The following CACNA1B variants were observed in gnomAD, a reference collection of about 807,000 sequenced individuals.
CACNA1B encodes calcium voltage-gated channel subunit alpha1 B.
In CACNA1B, 70 loss-of-function variants were observed where a neutral mutation model predicts 247.2. The ratio of observed to expected loss-of-function variants is 0.28; its 90% CI spans 0.23 to 0.35. The LOEUF (loss-of-function observed/expected upper bound fraction) is 0.35. Among genes scored for constraint, CACNA1B ranks in the 10% least tolerant of loss-of-function variants. The pLI is 1.00. For missense variants in CACNA1B, 2,367 were observed against 3,197.4 expected (o/e 0.74, Z 6.26); for synonymous variants, 1,231 against 1,294.4 (o/e 0.95, Z 1.05).
chr9:138,044,009 A>G, intron 21 of CACNA1B, 109 bp downstream of exon 21: 1 of 1,206,092 alleles, frequency 8.3e-7, no homozygotes, highest in African/African-American at 1.5e-5. Flanking sequence ...TATGTAGAGA[A>G]ACGGCTCTAA....
rs978416895 is a variant in CACNA1B, at chr9:138,121,194, C to T, written c.6490-275C>T. On this transcript the variant is annotated intron_variant, in intron 46 of 46. Coordinates refer to ENST00000371372, the MANE Select transcript of CACNA1B (RefSeq NM_000718.4). The surrounding 1 kb of genome is among the most constrained non-coding windows in gnomAD (Gnocchi z 6.8). ...TTAACTCTCCTTCCCTGACTGTGGT[C>T]GTTGGGCTTTTGTTCTGTCCTTTTC... 2.6e-5 allele frequency among the ~76,000 whole-genome samples: 4 copies of T among 152,136 alleles called. No individual in the cohort carries two copies. Among genetic ancestry groups the T allele is most frequent in the Admixed American group, 6.5e-5 (1 of 15,280 alleles).
At chr9:137,924,365 C>T (rs1428028684) in intron 6 of CACNA1B, among the ~76,000 whole-genome samples, 2 of 150,442 alleles carry the variant, frequency 1.3e-5, no homozygotes, top group Non-Finnish European at 1.5e-5. Context: ...CCTTCCCTCC[C>T]TCTTTCCCCT....
At chr9:137,878,708 G>T (rs1047825976) in intron 1 of CACNA1B, among the ~76,000 whole-genome samples, 1 of 152,126 alleles carries the variant, frequency 6.6e-6, no homozygotes, top group African/African-American at 2.4e-5. Context: ...GCGCCTGCGC[G>T]GGGTCTCCCT....
chr9:137,916,971 A>T (rs1319326741), intron 5 of CACNA1B, among the ~76,000 whole-genome samples: 1 of 152,016 alleles, frequency 6.6e-6, no homozygotes, highest in Non-Finnish European at 1.5e-5. Flanking sequence ...ATGGGCTGTG[A>T]GCCCACCATC....
At chr9:138,027,340 G>C (rs1958933428) in intron 20 of CACNA1B, among the ~76,000 whole-genome samples, 1 of 152,050 alleles carries the variant, frequency 6.6e-6, no homozygotes, top group African/African-American at 2.4e-5. Flanking sequence ...TGTTGATTAT[G>C]TATCCTGCTA....
chr9:138,092,569 A>G (rs914387212), intron 36 of CACNA1B, among the ~76,000 whole-genome samples: 1 of 152,176 alleles, frequency 6.6e-6, no homozygotes, highest in Non-Finnish European at 1.5e-5. Context: ...TTTTACTAAC[A>G]ATTTGTACAG....
chr9:138,057,944 T>A lies in CACNA1B; in HGVS notation c.4106+75T>A, dbSNP rs1212107285. 3 of 1,574,252 alleles carry A rather than the reference T, an allele frequency of 1.9e-6. No individual in the cohort carries two copies. In the African/African-American group the frequency reaches 4.0e-5, roughly 21 times the overall value. Reference sequence around the variant, plus strand: ...CGGCCTCCCTTCCTCCCTCTATCCCTGGGCTCAGGCATGGAAGCAGACCCA... The same window carrying A: ...CGGCCTCCCTTCCTCCCTCTATCCCAGGGCTCAGGCATGGAAGCAGACCCA... On this transcript the variant is annotated intron_variant, in intron 27 of 46. Coordinates refer to ENST00000371372, the MANE Select transcript of CACNA1B (RefSeq NM_000718.4). This position sits in a 1 kb window ranked among gnomAD's most constrained non-coding sequence, Gnocchi z 4.0.
Position 138,050,795 on chromosome 9 carries a change from C to T in CACNA1B, c.3711-1297C>T, listed in dbSNP as rs558983682. Among the ~76,000 whole-genome samples the T allele has an allele frequency of 3.3e-4, 50 of 152,228 alleles. No individual in the cohort carries two copies. Among genetic ancestry groups the T allele is most frequent in the East Asian group, 1.2e-3 (6 of 5,164 alleles). On this transcript the variant is annotated intron_variant, in intron 24 of 46. Transcript: ENST00000371372. This position sits in a 1 kb window ranked among gnomAD's most constrained non-coding sequence, Gnocchi z 5.2. ...GAGGAGCTGGTTTGAGAGTGGGTGT[C>T]GGGAGCACTGGGGTGATGGAGACAG...
At chr9:137,892,011 C>T (rs1187435133) in intron 3 of CACNA1B, 1 of 456,846 alleles carries the variant, frequency 2.2e-6, no homozygotes, top group Non-Finnish European at 4.4e-6. Flanking sequence ...CGCCTTGGTC[C>T]TCCTCACTCA....
At chr9:138,042,721 C>T (rs1048227368) in intron 20 of CACNA1B, among the ~76,000 whole-genome samples, 5 of 152,156 alleles carry the variant, frequency 3.3e-5, no homozygotes, top group East Asian at 3.9e-4. Flanking sequence ...CCAGCATCCT[C>T]GGTGGTATAG....
At position 137,973,170 on chromosome 9, in the gene CACNA1B, C is replaced by T. The variant is rs888739033; in HGVS notation, c.1543+1578C>T. Among the ~76,000 whole-genome samples, 2 of 152,142 alleles carry T rather than the reference C, an allele frequency of 1.3e-5. No individual in the cohort carries two copies. Among genetic ancestry groups the T allele is most frequent in the South Asian group, 2.1e-4 (1 of 4,824 alleles). On this transcript the variant is annotated intron_variant, in intron 11 of 46. Coordinates refer to ENST00000371372, the MANE Select transcript of CACNA1B (RefSeq NM_000718.4). This position sits in a 1 kb window ranked among gnomAD's most constrained non-coding sequence, Gnocchi z 4.1. ...GAGCACAGGGCTGGCAGTGTCCAGG[C>T]GTTGGTGAGGCCACAGGCATCCCTG...
At chr9:137,977,688 G>A (rs1431584551) in intron 12 of CACNA1B, among the ~76,000 whole-genome samples, 1 of 152,186 alleles carries the variant, frequency 6.6e-6, no homozygotes, top group Non-Finnish European at 1.5e-5. Flanking sequence ...CCTGCTGGAG[G>A]CTGGGAATGA....
chr9:137,961,323 A>T (rs1958019085), intron 10 of CACNA1B, among the ~76,000 whole-genome samples: 2 of 152,146 alleles, frequency 1.3e-5, no homozygotes, highest in Admixed American at 1.3e-4. Context: ...CTGCAAACAA[A>T]GATGGTTTGA....
chr9:138,046,777 G>A, intron 21 of CACNA1B, 127 bp from the exon 22 acceptor site: 1 of 862,696 alleles, frequency 1.2e-6, no homozygotes, highest in Admixed American at 2.5e-5. Context: ...GCAAAGCGAA[G>A]CTCTGGGGCC....
intron 31 of CACNA1B, among the ~76,000 whole-genome samples, chr9:138,064,669 G>A (rs1205536335): frequency 6.6e-6 from 1 of 152,212 alleles, no homozygotes; most frequent in Non-Finnish European, 1.5e-5. Flanking sequence ...ACCTTTGCAG[G>A]TCAGGGCTCT....
At position 138,115,678 on chromosome 9, in the gene CACNA1B, A is replaced by G. The variant is rs762267186; in HGVS notation, c.5776A>G (p.Ile1926Val). 1 of 1,612,390 alleles carries G rather than the reference A, an allele frequency of 6.2e-7. No individual in the cohort carries two copies. The highest frequency in any genetic ancestry group is 1.1e-5 in the South Asian group (1 of 90,818). ...CACCTCCCTCAGCAATGGCGGGGCC[A>G]TGTGAGTATCCAGATGCAGGACATA... Reference protein sequence around the residue: ...SSTSLSNGGAIQNQESGIKES... With the variant: ...SSTSLSNGGAVQNQESGIKES... Residue 1926 changes from isoleucine (I) to valine (V), a missense_variant and splice_region_variant, in exon 42 of 47, where the codon ATA (isoleucine) becomes GTA (valine). By Grantham distance (29) the Ile-to-Val change is conservative. Around this residue, in one of 12 missense-constraint regions of CACNA1B, gnomAD observed 773 missense variants for 779.4 expected, o/e 0.99. Coordinates refer to ENST00000371372, the MANE Select transcript of CACNA1B (RefSeq NM_000718.4).
At chr9:137,958,486 A>C (rs1957974277) in intron 10 of CACNA1B, among the ~76,000 whole-genome samples, 1 of 152,190 alleles carries the variant, frequency 6.6e-6, no homozygotes, top group Non-Finnish European at 1.5e-5. Context: ...AATTTGTCTG[A>C]TTCTAGCCCC....
rs201684746 is a variant in CACNA1B, at chr9:138,073,997, G to A, written c.4792-4G>A. 2.5e-5 allele frequency: 41 copies of A among 1,610,512 alleles called. No individual in the cohort carries two copies. Among genetic ancestry groups the A allele is most frequent in the South Asian group, 8.8e-5 (8 of 91,074 alleles). ...CTGTAGCTGACCGGCCCCTGTCTCCGCAGGCCCTGCCCTACGTGTGTCTGC... is the reference window on the plus strand; with the variant it reads ...CTGTAGCTGACCGGCCCCTGTCTCCACAGGCCCTGCCCTACGTGTGTCTGC... On this transcript the variant is annotated splice_region_variant and splice_polypyrimidine_tract_variant and intron_variant, in intron 33 of 46. Coordinates refer to ENST00000371372, the MANE Select transcript of CACNA1B (RefSeq NM_000718.4). This position sits in a 1 kb window ranked among gnomAD's most constrained non-coding sequence, Gnocchi z 6.4.
At chr9:138,060,918 C>T (rs1047814506) in intron 31 of CACNA1B, among the ~76,000 whole-genome samples, 2 of 152,248 alleles carry the variant, frequency 1.3e-5, no homozygotes, top group Non-Finnish European at 2.9e-5. Context: ...ATCCCGTCCC[C>T]ACCACCCTTT....
Sources: gnomAD v4.1 joint callset for allele counts (sites outside exome capture counted in the v4.1 genomes callset) on GRCh38, gnomAD v4.1.1 for gene constraint, gnomAD v4.1.1 regional missense constraint, Gnocchi (gnomAD v3.1) non-coding constraint, MANE v1.5 for transcripts, NCBI Gene and HGNC (gene_info 2026-07-23, HGNC 2026-07-21) for gene names.